TSHZ2: variants seen among roughly 807,000 people sequenced by gnomAD.
The protein encoded by TSHZ2 is teashirt zinc finger homeobox 2, also known as teashirt homolog 2.
A neutral mutation model predicts 74.4 loss-of-function variants in TSHZ2; 21 were observed. The observed-to-expected ratio is 0.28, with a 90% confidence interval of 0.20 to 0.41. The LOEUF is 0.41. Ranked by LOEUF, TSHZ2 falls within the 10% of genes least tolerant of loss-of-function variation. TSHZ2 has a pLI of 1.00. For missense variants in TSHZ2, 1,244 were observed against 1,293.5 expected (o/e 0.96, Z 0.59); for synonymous variants, 540 against 515.3 (o/e 1.05, Z -0.65).
At chr20:53,168,038 T>C (rs1275803928) in intron 1 of TSHZ2, among the ~76,000 whole-genome samples, 1 of 152,222 alleles carries the variant, frequency 6.6e-6, no homozygotes, top group Non-Finnish European at 1.5e-5. Context: ...TTTGTTGGAC[T>C]GCAGGGTCTG....
intron 1 of TSHZ2, among the ~76,000 whole-genome samples, chr20:53,244,603 C>T (rs1990157378): frequency 6.6e-6 from 1 of 152,120 alleles, no homozygotes; most frequent in South Asian, 2.1e-4. Context: ...TAATAATATA[C>T]GCTGGACTGA....
intron 1 of TSHZ2, among the ~76,000 whole-genome samples, chr20:53,093,565 C>G (rs1041671252): frequency 6.6e-6 from 1 of 152,206 alleles, no homozygotes; most frequent in Non-Finnish European, 1.5e-5. Flanking sequence ...TTACATGCCA[C>G]TTTCTTTTCC....
chr20:53,099,990 A>G (rs1480023837), intron 1 of TSHZ2, among the ~76,000 whole-genome samples: 2 of 152,178 alleles, frequency 1.3e-5, no homozygotes, highest in Non-Finnish European at 2.9e-5. Context: ...GAAGGAATCC[A>G]CTTTTTGCCA....
intron 2 of TSHZ2, among the ~76,000 whole-genome samples, chr20:53,261,750 A>T (rs1373639792): frequency 6.6e-6 from 1 of 152,220 alleles, no homozygotes; most frequent in Non-Finnish European, 1.5e-5. Flanking sequence ...CTTTTCATTT[A>T]ACCAGATGCA....
chr20:53,083,235 C>T (rs1005685267), intron 1 of TSHZ2, among the ~76,000 whole-genome samples: 2 of 152,180 alleles, frequency 1.3e-5, no homozygotes, highest in Admixed American at 6.5e-5. Flanking sequence ...CAATGAATCA[C>T]ACCATGCCTT....
intron 2 of TSHZ2, among the ~76,000 whole-genome samples, chr20:53,304,958 C>T (rs1313106260): frequency 6.0e-5 from 8 of 132,738 alleles, no homozygotes; most frequent in African/African-American, 2.0e-4. Context: ...TTTTTTGAGA[C>T]GGAGTCTTGC....
chr20:53,331,222 G>A (rs959691272), intron 2 of TSHZ2, among the ~76,000 whole-genome samples: 4 of 152,188 alleles, frequency 2.6e-5, no homozygotes, highest in Non-Finnish European at 5.9e-5. Context: ...TTTAACAAAG[G>A]CTACTTAAGA....
chr20:53,129,932 A>G (rs1236004335), intron 1 of TSHZ2, among the ~76,000 whole-genome samples: 3 of 151,750 alleles, frequency 2.0e-5, no homozygotes, highest in African/African-American at 7.3e-5. Flanking sequence ...AATTTCAGAA[A>G]AACTCAGTCC....
chr20:53,434,059 T>C (rs953789112), intron 2 of TSHZ2, among the ~76,000 whole-genome samples: 4 of 152,148 alleles, frequency 2.6e-5, no homozygotes, highest in African/African-American at 9.7e-5. Flanking sequence ...TTGGTAGAGA[T>C]GAGTTTTCAC....
At chr20:53,390,124 A>G (rs184372837) in intron 2 of TSHZ2, among the ~76,000 whole-genome samples, 3 of 152,332 alleles carry the variant, frequency 2.0e-5, no homozygotes, top group East Asian at 1.9e-4. Context: ...CGCATTTTCA[A>G]TTCACATCCT....
intron 1 of TSHZ2, among the ~76,000 whole-genome samples, chr20:52,987,421 T>G (rs1981810659): frequency 6.6e-6 from 1 of 151,846 alleles, no homozygotes; most frequent in Non-Finnish European, 1.5e-5. Context: ...TACATAAAAT[T>G]TATATAAGTT....
At chr20:53,412,596 T>G (rs554184344) in intron 2 of TSHZ2, 5 of 152,262 alleles carry the variant, frequency 3.3e-5, no homozygotes, top group Non-Finnish European at 5.9e-5. Flanking sequence ...CCGCCACTTA[T>G]GAAGTTCCCT....
chr20:53,312,259 G>A (rs1978827564), intron 2 of TSHZ2, among the ~76,000 whole-genome samples: 1 of 152,180 alleles, frequency 6.6e-6, no homozygotes, highest in Admixed American at 6.5e-5. Context: ...CAGTCACCCT[G>A]AACTCTTTTA....
chr20:53,106,684 C>T (rs1281821999), intron 1 of TSHZ2, among the ~76,000 whole-genome samples: 1 of 149,510 alleles, frequency 6.7e-6, no homozygotes, highest in East Asian at 2.0e-4. Context: ...AGGCGTGAGC[C>T]ACCACGCAGG....
intron 2 of TSHZ2, among the ~76,000 whole-genome samples, chr20:53,306,645 A>C (rs1218932761): frequency 6.6e-6 from 1 of 152,262 alleles, no homozygotes; most frequent in African/African-American, 2.4e-5. Context: ...TGCCATTGGC[A>C]GCAAAGATTT....
chr20:53,401,411 A>G (rs1982652842), intron 2 of TSHZ2, among the ~76,000 whole-genome samples: 1 of 151,908 alleles, frequency 6.6e-6, no homozygotes, highest in Non-Finnish European at 1.5e-5. Context: ...TTTTATTTCA[A>G]TAGGTTTTGG....
Position 53,240,108 on chromosome 20 carries a change from C to T in TSHZ2, c.41-13391C>T, listed in dbSNP as rs117264350. Reference sequence around the variant, plus strand: ...TGGCTTGGTTCTCCAGCCACCATTCCTCATACTAGCAAAGCTCCTAAAAGT... The same window carrying T: ...TGGCTTGGTTCTCCAGCCACCATTCTTCATACTAGCAAAGCTCCTAAAAGT... On this transcript the variant is annotated intron_variant, in intron 1 of 2. Transcript: ENST00000371497. Among the ~76,000 whole-genome samples, 974 of 152,248 alleles carry T rather than the reference C, an allele frequency of 6.4e-3. 6 individuals carry two copies. Among genetic ancestry groups the T allele is most frequent in the Non-Finnish European group, 8.4e-3 (570 of 68,018 alleles).
At chr20:53,383,997 G>C (rs889613002) in intron 2 of TSHZ2, among the ~76,000 whole-genome samples, 13 of 152,118 alleles carry the variant, frequency 8.5e-5, no homozygotes, top group Admixed American at 2.6e-4. Context: ...CCCTCTTCCG[G>C]ATGACATGTG....
At chr20:52,990,274 T>C (rs1335844124) in intron 1 of TSHZ2, among the ~76,000 whole-genome samples, 1 of 152,166 alleles carries the variant, frequency 6.6e-6, no homozygotes, top group Middle Eastern at 3.2e-3. Flanking sequence ...CTGAGATGTC[T>C]ACCCCTCTAA....
Sources: allele counts gnomAD v4.1 joint callset (sites outside exome capture counted in the v4.1 genomes callset), GRCh38; gene constraint gnomAD v4.1.1; transcripts MANE v1.5; gene names NCBI Gene and HGNC (gene_info 2026-07-23, HGNC 2026-07-21).